RMDN2: variants seen among roughly 807,000 people sequenced by gnomAD.
RMDN2 encodes the protein regulator of microtubule dynamics 2, also known as regulator of microtubule dynamics protein 2.
Under a neutral mutation model 52.8 loss-of-function variants are expected in RMDN2, and 61 were observed. The ratio of observed to expected loss-of-function variants is 1.16; its 90% CI spans 0.94 to 1.43. The LOEUF (loss-of-function observed/expected upper bound fraction) is 1.43. Among genes scored for constraint, RMDN2 ranks in the 40% most tolerant of loss-of-function variants. The probability of loss-of-function intolerance (pLI) is 0.00; values close to 1 mark genes in which losing one functional copy is unlikely to be tolerated. For missense variants in RMDN2, 592 were observed against 475.3 expected, an observed-to-expected ratio of 1.25 and a Z score of -2.28; for synonymous variants, 180 against 153.1, an observed-to-expected ratio of 1.18 and a Z score of -1.30.
intron 2 of RMDN2, among the ~76,000 whole-genome samples, chr2:37,933,328 T>C (rs1319487447): frequency 6.7e-6 from 1 of 148,730 alleles, no homozygotes; most frequent in Non-Finnish European, 1.5e-5. Flanking sequence ...TCCCAGACGA[T>C]GGGCGGCCAG....
intron 2 of RMDN2, among the ~76,000 whole-genome samples, chr2:37,956,190 G>A (rs1431454577): frequency 2.0e-5 from 3 of 151,992 alleles, no homozygotes; most frequent in Non-Finnish European, 4.4e-5. Context: ...CCAAATATTT[G>A]GGCTTTCACT....
chr2:38,007,269 C>T (rs2125208093), intron 10 of RMDN2, among the ~76,000 whole-genome samples: 1 of 152,256 alleles, frequency 6.6e-6, no homozygotes, highest in East Asian at 1.9e-4. Context: ...GGAATAGTTT[C>T]AGAAGGAATG....
At chr2:37,921,564 C>G (rs1293706390), upstream of RMDN2, among the ~76,000 whole-genome samples, 1 of 152,206 alleles carries the variant, frequency 6.6e-6, no homozygotes, top group Non-Finnish European at 1.5e-5. Flanking sequence ...CTAACAGAAG[C>G]AGTGAAAGCT....
At chr2:38,052,506 T>C (rs1573241486) in intron 10 of RMDN2, among the ~76,000 whole-genome samples, 1 of 152,244 alleles carries the variant, frequency 6.6e-6, no homozygotes, top group East Asian at 1.9e-4. Context: ...TTTCCTTTGC[T>C]GTACAGAAGG....
Position 38,041,427 on chromosome 2 carries a change from G to GTTTTTTTTTTTTTTTTT in RMDN2, c.1714-25539_1714-25538insTTTTTTTTTTTTTTTTT, listed in dbSNP as rs3057329. 1.7e-5 allele frequency among the ~76,000 whole-genome samples: 2 copies of GTTTTTTTTTTTTTTTTT among 120,092 alleles called. 1 individual carries two copies. Among genetic ancestry groups the GTTTTTTTTTTTTTTTTT allele is most frequent in the Non-Finnish European group, 3.3e-5 (2 of 61,274 alleles). The allele number at this position is 120,092 out of a possible 152,430, so 78.8% of individuals were successfully genotyped here. On this transcript the variant is annotated intron_variant, in intron 10 of 10. Coordinates refer to the RMDN2 transcript ENST00000234195. ...TCTTCTTTCCTCATTTTTTTTATTG[G>GTTTTTTTTTTTTTTTTT]TTTTTTTTTTTTTTTTGGACGTTTT...
chr2:38,028,862 C>T (rs545705920), intron 10 of RMDN2, among the ~76,000 whole-genome samples: 6 of 152,202 alleles, frequency 3.9e-5, no homozygotes, highest in Admixed American at 2.6e-4. Flanking sequence ...TGCAGGCCCC[C>T]AGAAAAAAGC....
At chr2:37,934,180 T>A (rs114340032) in intron 2 of RMDN2, among the ~76,000 whole-genome samples, 1,815 of 152,366 alleles carry the variant, frequency 0.012, 41 homozygotes, top group African/African-American at 0.041. Context: ...TAATACTACT[T>A]GTTTCACACA....
intron 10 of RMDN2, among the ~76,000 whole-genome samples, chr2:38,063,140 G>T (rs1174792298): frequency 6.6e-6 from 1 of 152,078 alleles, no homozygotes. Flanking sequence ...CCCAGTAATG[G>T]GATTGCTGGG....
chr2:37,960,737 T>G lies in RMDN2; in HGVS notation c.453-13303T>G, dbSNP rs149807332. On this transcript the variant is annotated intron_variant, in intron 2 of 10. Transcript: ENST00000354545. The stretch of plus-strand genomic sequence containing the variant: ...GTGAATTTGATCCTGTCATCATGAT[T>G]CCAGCTGGTTATTTTGCACATTAGT... Among the ~76,000 whole-genome samples, 409 of 152,312 alleles carry G rather than the reference T, an allele frequency of 2.7e-3. 2 individuals are homozygous for G. Among genetic ancestry groups the G allele is most frequent in the Middle Eastern group, 0.01 (3 of 294 alleles).
intron 10 of RMDN2, among the ~76,000 whole-genome samples, chr2:38,041,910 T>C (rs760510713): frequency 6.6e-6 from 1 of 152,146 alleles, no homozygotes. Context: ...TGGTTTGTTG[T>C]TTTTCTTTCT....
At chr2:37,928,179 A>G (rs1016237549) in intron 1 of RMDN2, among the ~76,000 whole-genome samples, 5 of 152,324 alleles carry the variant, frequency 3.3e-5, no homozygotes, top group South Asian at 2.1e-4. Context: ...TAGAACATCC[A>G]AACAGGATAC....
rs368320814 is a variant in RMDN2, at chr2:37,968,333, G to GC, written c.453-5707_453-5706insC. Among the ~76,000 whole-genome samples the GC allele has an allele frequency of 2.5e-3, 128 of 52,062 alleles. 2 individuals are homozygous for GC. Among genetic ancestry groups the GC allele is most frequent in the Middle Eastern group, 0.011 (1 of 90 alleles). The allele number at this position is 52,062 out of a possible 152,430, so 34.2% of individuals were successfully genotyped here. On this transcript the variant is annotated intron_variant, in intron 2 of 10. Transcript: ENST00000354545. ...TGGCAGGCACCTGTAATCCCAGCTTGGGGGGCTGAGGCAGGAGAATCACTT... is the reference window on the plus strand; with the variant it reads ...TGGCAGGCACCTGTAATCCCAGCTTGCGGGGGCTGAGGCAGGAGAATCACTT...
At chr2:38,004,568 T>A (rs1327714518) in intron 10 of RMDN2, among the ~76,000 whole-genome samples, 2 of 152,120 alleles carry the variant, frequency 1.3e-5, no homozygotes, top group South Asian at 2.1e-4. Context: ...CCTTTAAATC[T>A]CCAGAACCTA....
downstream of RMDN2, among the ~76,000 whole-genome samples, chr2:38,021,855 G>A (rs1679404223): frequency 6.6e-6 from 1 of 152,188 alleles, no homozygotes; most frequent in Non-Finnish European, 1.5e-5. Flanking sequence ...CATGCTGTGA[G>A]GCCCAGTTCT....
chr2:38,012,244 G>A lies in RMDN2; in HGVS notation c.1180-4942G>A, dbSNP rs140791736. ...CAGGCCTTACCATGGATGCTGTTTC[G>A]TCAGGAAAGACTTCCTTGACGCCTG... is the stretch of plus-strand genomic sequence containing the variant. On this transcript the variant is annotated intron_variant, in intron 10 of 10. Transcript: ENST00000354545. 6.0e-3 allele frequency among the ~76,000 whole-genome samples: 918 copies of A among 152,108 alleles called. 11 individuals carry two copies. The highest frequency in any genetic ancestry group is 0.02 in the African/African-American group (848 of 41,480).
At chr2:37,971,572 AT>A in intron 2 of RMDN2, among the ~76,000 whole-genome samples, 1 of 152,248 alleles carries the variant, frequency 6.6e-6, no homozygotes, top group East Asian at 1.9e-4. Flanking sequence ...TTTCAATTTC[AT>A]CTTTTTCCAT....
At chr2:37,962,502 C>T (rs1670379869) in intron 2 of RMDN2, among the ~76,000 whole-genome samples, 1 of 152,166 alleles carries the variant, frequency 6.6e-6, no homozygotes, top group East Asian at 1.9e-4. Context: ...GTGGGGAAAA[C>T]CGCCTGCTCA....
chr2:38,050,295 T>TC (rs1360269914), intron 10 of RMDN2, among the ~76,000 whole-genome samples: 1 of 151,634 alleles, frequency 6.6e-6, no homozygotes, highest in Non-Finnish European at 1.5e-5. Context: ...CTTTTCTGTC[T>TC]CCCTGCTGCA....
chr2:37,967,703 G>A (rs913996557), intron 2 of RMDN2, among the ~76,000 whole-genome samples: 3 of 152,208 alleles, frequency 2.0e-5, no homozygotes, highest in Admixed American at 6.5e-5. Context: ...TCCTCTCATC[G>A]AACAAGGGCA....
Sources: allele counts gnomAD v4.1 joint callset (sites outside exome capture counted in the v4.1 genomes callset), GRCh38; gene constraint gnomAD v4.1.1; transcripts MANE v1.5; gene names NCBI Gene and HGNC (gene_info 2026-07-23, HGNC 2026-07-21).